The following DCP1A variants were observed in gnomAD, a reference collection of about 807,000 sequenced individuals.
DCP1A encodes the protein mRNA-decapping enzyme 1A.
A neutral mutation model predicts 58.0 loss-of-function variants in DCP1A; 20 were observed. The observed-to-expected ratio is 0.34, with a 90% CI of 0.24 to 0.50. DCP1A has a LOEUF of 0.50. DCP1A is among the 20% of genes least tolerant of loss of function. The pLI is 0.98. For missense variants in DCP1A, 613 were observed against 712.2 expected (o/e 0.86, Z 1.59); for synonymous variants, 285 against 275.1 (o/e 1.04, Z -0.36).
At chr3:53,291,071 C>T (rs1706849970) in intron 7 of DCP1A, among the ~76,000 whole-genome samples, 1 of 152,304 alleles carries the variant, frequency 6.6e-6, no homozygotes. Flanking sequence ...AGCTCTGCGA[C>T]AGCCTCTCCT....
intron 5 of DCP1A, among the ~76,000 whole-genome samples, chr3:53,304,751 T>A (rs562385112): frequency 1.1e-3 from 173 of 151,798 alleles, no homozygotes; most frequent in African/African-American, 4.1e-3. Flanking sequence ...TTTTCTTTTT[T>A]TTTTTGTATT....
chr3:53,287,761 T>C (rs1706696125), intron 9 of DCP1A, 101 bp from the exon 10 acceptor site: 1 of 822,968 alleles, frequency 1.2e-6, no homozygotes, highest in Non-Finnish European at 2.0e-6. Context: ...ATAAATGATT[T>C]GTATAACTGA....
intron 3 of DCP1A, among the ~76,000 whole-genome samples, chr3:53,341,889 C>G (rs1329848771): frequency 6.6e-6 from 1 of 152,026 alleles, no homozygotes; most frequent in African/African-American, 2.4e-5. Flanking sequence ...GTTGGCCTGG[C>G]TGGTCTCGAA....
At chr3:53,295,745 C>G (rs1707102070) in intron 6 of DCP1A, among the ~76,000 whole-genome samples, 1 of 152,146 alleles carries the variant, frequency 6.6e-6, no homozygotes, top group East Asian at 1.9e-4. Context: ...CATAATCCTT[C>G]TAATTTAGTT....
intron 3 of DCP1A, among the ~76,000 whole-genome samples, chr3:53,324,610 G>A (rs997153138): frequency 1.3e-5 from 2 of 152,174 alleles, no homozygotes; most frequent in African/African-American, 4.8e-5. Flanking sequence ...ATGGCACACT[G>A]TTTTACAAAT....
chr3:53,314,029 C>T (rs1553688940), intron 4 of DCP1A, among the ~76,000 whole-genome samples: 3 of 151,972 alleles, frequency 2.0e-5, no homozygotes, highest in African/African-American at 7.3e-5. Flanking sequence ...ATTACCACAA[C>T]CCACCCATTG....
chr3:53,292,149 T>C lies in DCP1A; in HGVS notation c.1303A>G (p.Ile435Val), dbSNP rs781928933. The C allele has an allele frequency of 3.7e-6, 6 of 1,613,898 alleles. No individual in the cohort carries two copies. The highest frequency in any genetic ancestry group is 4.2e-6 in the Non-Finnish European group (5 of 1,179,884). ...GCTGCTGTCTTAGAGGGAGGCTCTATGAAGCTCTCAGGTGTGGCTAGCTGA... is the reference window on the plus strand; with the variant it reads ...GCTGCTGTCTTAGAGGGAGGCTCTACGAAGCTCTCAGGTGTGGCTAGCTGA... ...AGQLATPESF[I>V]EPPSKTAAAR... Residue 435 changes from isoleucine (I) to valine (V), a missense_variant, in exon 7 of 10, where the codon ATA becomes GTA. Transcript: ENST00000610213.
chr3:53,341,511 G>C (rs1553692541), intron 3 of DCP1A, among the ~76,000 whole-genome samples: 2 of 151,830 alleles, frequency 1.3e-5, no homozygotes, highest in East Asian at 3.8e-4. Flanking sequence ...AGAATTATCT[G>C]TATCTGTTCC....
At chr3:53,321,580 A>G (rs1368699583) in intron 3 of DCP1A, among the ~76,000 whole-genome samples, 1 of 152,108 alleles carries the variant, frequency 6.6e-6, no homozygotes, top group African/African-American at 2.4e-5. Flanking sequence ...TTAGCCGGGC[A>G]TGGTAGCGCA....
intron 3 of DCP1A, among the ~76,000 whole-genome samples, chr3:53,325,947 G>A (rs1440372620): frequency 2.0e-5 from 3 of 152,098 alleles, no homozygotes; most frequent in Admixed American, 2.0e-4. Flanking sequence ...AACCCTTTTG[G>A]CCAAAAAACC....
chr3:53,344,809 G>A (rs960377289), intron 2 of DCP1A, 93 bp downstream of exon 2: 5 of 932,718 alleles, frequency 5.4e-6, no homozygotes, highest in African/African-American at 3.4e-5. Flanking sequence ...CTAGCAGGAC[G>A]GTTCCAAAGA....
intron 4 of DCP1A, among the ~76,000 whole-genome samples, chr3:53,318,465 C>T (rs1553689510): frequency 1.3e-5 from 2 of 152,126 alleles, no homozygotes; most frequent in Non-Finnish European, 2.9e-5. Flanking sequence ...GAGAGGTCCA[C>T]ATTTCTGAGA....
chr3:53,290,917 T>TAGGA, intron 7 of DCP1A, 61 bp from the exon 8 acceptor site: 1 of 1,391,128 alleles, frequency 7.2e-7, no homozygotes, highest in Non-Finnish European at 1.0e-6. Flanking sequence ...GAAGACTTCC[T>TAGGA]AGTCTTAATT....
Position 53,284,110 on chromosome 3 carries a change from T to C in DCP1A, c.*3470A>G, listed in dbSNP as rs1553684792. On this transcript the variant is annotated 3_prime_UTR_variant, in exon 10 of 10. Coordinates refer to ENST00000610213, the MANE Select transcript of DCP1A (RefSeq NM_018403.7). ...AGAAAAACATACTCTGCAGCAAACG[T>C]GCAGCCAGGATGCAGGATGCGCACC... is the stretch of plus-strand genomic sequence containing the variant. 1 of 152,222 alleles carries C rather than the reference T, an allele frequency of 6.6e-6. No homozygotes were observed. Among genetic ancestry groups the C allele is most frequent in the African/African-American group, 2.4e-5 (1 of 41,444 alleles). The allele number at this position is 152,222 out of a possible 1,614,324, so 9.4% of individuals were successfully genotyped here. A position where few individuals can be genotyped will look rare whatever the true frequency, so the allele number is the denominator to read the frequency against.
intron 3 of DCP1A, among the ~76,000 whole-genome samples, chr3:53,324,784 G>A (rs943237095): frequency 6.6e-6 from 1 of 152,166 alleles, no homozygotes; most frequent in Non-Finnish European, 1.5e-5. Flanking sequence ...ACTTTGGGAG[G>A]CTGAGGCAGG....
chr3:53,320,340 G>A (rs1707925896), intron 3 of DCP1A, among the ~76,000 whole-genome samples: 2 of 151,622 alleles, frequency 1.3e-5, no homozygotes, highest in African/African-American at 4.8e-5. Context: ...CTTTATTAAA[G>A]ATTATAATAT....
intron 8 of DCP1A, among the ~76,000 whole-genome samples, chr3:53,288,755 GGC>G (rs1706741968): frequency 6.6e-6 from 1 of 152,140 alleles, no homozygotes; most frequent in Admixed American, 6.5e-5. Flanking sequence ...TGCATGTTTT[GGC>G]TGGGCGCAGT....
intron 3 of DCP1A, 24 bp from the exon 4 acceptor site, chr3:53,319,497 GAT>G: frequency 1.4e-6 from 2 of 1,460,282 alleles, no homozygotes; most frequent in Non-Finnish European, 9.4e-7. Context: ...GGGAAAAAAA[GAT>G]AAGAAGAAAT....
In DCP1A at chr3:53,304,245, T is replaced by C. The variant is rs782733652; in HGVS notation, c.556A>G (p.Ser186Gly). ...SNISSPGLQPSTQLSNLGSTE... is the reference protein window; with the variant it reads ...SNISSPGLQPGTQLSNLGSTE... ...CTTCCCAGATTGGAGAGCTGAGTGC[T>C]TGGCTGTAACCCAGGGCTGGAGATA... is the stretch of plus-strand genomic sequence containing the variant. The change falls in exon 6 of 10, where the codon AGC (serine) becomes GGC (glycine). Residue 186 changes from serine to glycine, a missense_variant. Coordinates refer to ENST00000610213, the MANE Select transcript of DCP1A (RefSeq NM_018403.7). The C allele has an allele frequency of 3.1e-6, 5 of 1,613,810 alleles. No homozygotes were observed. Among genetic ancestry groups the C allele is most frequent in the African/African-American group, 2.7e-5 (2 of 74,930 alleles).
Sources: allele counts gnomAD v4.1 joint callset (sites outside exome capture counted in the v4.1 genomes callset), GRCh38; gene constraint gnomAD v4.1.1; transcripts MANE v1.5; gene names NCBI Gene and HGNC (gene_info 2026-07-23, HGNC 2026-07-21).